EYS: variants seen among roughly 807,000 people sequenced by gnomAD.
EYS encodes the protein protein eyes shut homolog.
In EYS, 250 loss-of-function variants were observed where a neutral mutation model predicts 282.1. The ratio of observed to expected loss-of-function variants is 0.89; its 90% CI spans 0.80 to 0.98. EYS has a LOEUF of 0.98. Among genes scored for constraint, EYS ranks in the 50% least tolerant of loss-of-function variants. The pLI, the probability that EYS is intolerant of heterozygous loss-of-function variation, is 0.00. For missense variants in EYS, 4,016 were observed against 3,709.0 expected, an observed-to-expected ratio of 1.08 and a Z score of -2.15; for synonymous variants, 1,355 against 1,282.9, an observed-to-expected ratio of 1.06 and a Z score of -1.20.
At chr6:64,942,964 C>A (rs1179540476) in intron 15 of EYS, among the ~76,000 whole-genome samples, 3 of 151,904 alleles carry the variant, frequency 2.0e-5, no homozygotes, top group Non-Finnish European at 4.4e-5. Flanking sequence ...ACCTTATGAC[C>A]CTCAACAAAA....
intron 5 of EYS, among the ~76,000 whole-genome samples, chr6:65,438,549 C>T (rs1768177047): frequency 6.6e-6 from 1 of 152,160 alleles, no homozygotes; most frequent in Non-Finnish European, 1.5e-5. Flanking sequence ...GATCGCCATT[C>T]TAACTGGTGT....
intron 12 of EYS, among the ~76,000 whole-genome samples, chr6:65,213,016 C>T (rs376078558): frequency 6.6e-6 from 1 of 151,814 alleles, no homozygotes; most frequent in Admixed American, 6.6e-5. Context: ...CAGGATTATT[C>T]AACTGTTTTT....
At chr6:65,219,780 G>A (rs907254151) in intron 12 of EYS, among the ~76,000 whole-genome samples, 1 of 152,100 alleles carries the variant, frequency 6.6e-6, no homozygotes, top group Non-Finnish European at 1.5e-5. Flanking sequence ...CACAATCATG[G>A]TGGGAGGCAA....
intron 5 of EYS, among the ~76,000 whole-genome samples, chr6:65,462,127 T>C (rs1000107942): frequency 6.6e-6 from 1 of 152,210 alleles, no homozygotes; most frequent in East Asian, 1.9e-4. Context: ...AGGAAACTAC[T>C]GAGAAATAAA....
intron 31 of EYS, among the ~76,000 whole-genome samples, chr6:64,139,411 TC>T (rs1256186071): frequency 6.6e-6 from 1 of 152,148 alleles, no homozygotes; most frequent in African/African-American, 2.4e-5. Context: ...ATTACCATGT[TC>T]AGCAGGTGGA....
chr6:63,751,114 A>G lies in EYS; in HGVS notation c.8071+11347T>C, dbSNP rs79631771. The stretch of plus-strand genomic sequence containing the variant: ...ATCCTGTTCTTGGTGGTGTACCTCA[A>G]GATTTCTAAAATAGATTAATTCCCA... On this transcript the variant is annotated intron_variant, in intron 41 of 42. Transcript: ENST00000503581. Among the ~76,000 whole-genome samples the G allele has an allele frequency of 8.9e-3, 1,350 of 152,220 alleles. 21 individuals carry two copies. Among genetic ancestry groups the G allele is most frequent in the African/African-American group, 0.03 (1,256 of 41,518 alleles).
chr6:64,861,037 C>T (rs1731614537), intron 19 of EYS, among the ~76,000 whole-genome samples: 1 of 152,184 alleles, frequency 6.6e-6, no homozygotes, highest in Non-Finnish European at 1.5e-5. Context: ...ACAACCCAGA[C>T]CCCAGGCTTC....
intron 36 of EYS, among the ~76,000 whole-genome samples, chr6:63,809,968 A>G (rs1019437594): frequency 6.6e-6 from 1 of 151,812 alleles, no homozygotes; most frequent in Admixed American, 6.6e-5. Context: ...GTGGCCGGGC[A>G]CGGTGGCTCA....
intron 26 of EYS, among the ~76,000 whole-genome samples, chr6:64,475,170 T>C (rs112361196): frequency 2.1e-4 from 32 of 152,302 alleles, no homozygotes; most frequent in African/African-American, 7.2e-4. Flanking sequence ...ATTTGACAAG[T>C]TTTCTCATGT....
At chr6:64,259,409 C>A (rs1031244200) in intron 30 of EYS, among the ~76,000 whole-genome samples, 2 of 151,986 alleles carry the variant, frequency 1.3e-5, no homozygotes, top group Non-Finnish European at 2.9e-5. Context: ...TATTTCTCTG[C>A]CTCTTGAGAT....
chr6:64,266,572 G>A (rs1767766659), intron 30 of EYS, among the ~76,000 whole-genome samples: 1 of 152,052 alleles, frequency 6.6e-6, no homozygotes. Context: ...ACCAATTTTG[G>A]TTTAACAACA....
At chr6:65,512,039 T>C (rs531910132) in intron 2 of EYS, among the ~76,000 whole-genome samples, 22 of 148,286 alleles carry the variant, frequency 1.5e-4, no homozygotes, top group Non-Finnish European at 2.4e-4. Flanking sequence ...AACTTGTATA[T>C]GATAAATTGA....
chr6:65,589,256 C>T (rs1765153607), intron 2 of EYS, among the ~76,000 whole-genome samples: 2 of 152,016 alleles, frequency 1.3e-5, no homozygotes, highest in Admixed American at 6.6e-5. Flanking sequence ...CTTTAAAGCA[C>T]CAGGCACTCT....
intron 8 of EYS, among the ~76,000 whole-genome samples, chr6:65,360,315 T>C (rs1459934705): frequency 6.6e-6 from 1 of 151,976 alleles, no homozygotes; most frequent in Admixed American, 6.6e-5. Flanking sequence ...CCACTCATAG[T>C]CAAAACCTTC....
intron 26 of EYS, among the ~76,000 whole-genome samples, chr6:64,477,132 T>G: frequency 6.6e-6 from 1 of 152,114 alleles, no homozygotes; most frequent in East Asian, 1.9e-4. Flanking sequence ...GAATTATGCT[T>G]TCCCTTCAAG....
At chr6:63,813,191 G>C (rs1233916106) in intron 36 of EYS, among the ~76,000 whole-genome samples, 1 of 152,014 alleles carries the variant, frequency 6.6e-6, no homozygotes, top group African/African-American at 2.4e-5. Flanking sequence ...TGTTGCCCAG[G>C]CTGGTCTTGA....
At position 64,776,603 on chromosome 6, in the gene EYS, G is replaced by T. The variant is rs1252723118; in HGVS notation, c.3443+36775C>A. Among the ~76,000 whole-genome samples, 5 of 151,760 alleles carry T rather than the reference G, an allele frequency of 3.3e-5. No homozygotes were observed. The East Asian group carries it at 9.7e-4, about 29-fold the overall frequency. ...ATATGAAATTATCAGAAATATTAAG[G>T]CTATCTATATGTACTATATTTAAAG... On this transcript the variant is annotated intron_variant, in intron 22 of 42. Coordinates refer to ENST00000503581, the MANE Select transcript of EYS (RefSeq NM_001142800.2).
chr6:63,805,732 C>T (rs377379613), intron 37 of EYS, among the ~76,000 whole-genome samples: 2 of 152,128 alleles, frequency 1.3e-5, no homozygotes, highest in Non-Finnish European at 2.9e-5. Flanking sequence ...CATGCGTTCT[C>T]GTGATAGTGA....
intron 11 of EYS, 148 bp from the exon 12 acceptor site, chr6:65,296,267 A>G (rs1227982009): frequency 1.1e-6 from 1 of 900,214 alleles, no homozygotes; most frequent in African/African-American, 1.7e-5. Context: ...ATTTTCATAA[A>G]GTGTCCATTC....
Sources: gnomAD v4.1 joint callset for allele counts (sites outside exome capture counted in the v4.1 genomes callset) on GRCh38, gnomAD v4.1.1 for gene constraint, MANE v1.5 for transcripts, NCBI Gene and HGNC (gene_info 2026-07-23, HGNC 2026-07-21) for gene names.